ETS1: variants seen among roughly 807,000 people sequenced by gnomAD.
ETS1 encodes protein C-ets-1.
ETS1 carries 15 observed loss-of-function variants against 58.6 expected under a neutral mutation model. The ratio of observed to expected loss-of-function variants is 0.26; its 90% CI spans 0.17 to 0.39. The LOEUF is 0.39. Among genes scored for constraint, ETS1 ranks in the 10% least tolerant of loss-of-function variants. The pLI, the probability that ETS1 is intolerant of heterozygous loss-of-function variation, is 1.00. For synonymous variants in ETS1, 214 were observed against 218.2 expected, an observed-to-expected ratio of 0.98 and a Z score of 0.17; for missense variants, 417 against 610.5, an observed-to-expected ratio of 0.68 and a Z score of 3.34.
intron 3 of ETS1, among the ~76,000 whole-genome samples, chr11:128,506,211 G>A (rs1471520306): frequency 2.0e-5 from 3 of 152,138 alleles, no homozygotes; most frequent in African/African-American, 7.2e-5. Context: ...TGATGATGAT[G>A]GCACAACTCT....
At chr11:128,504,806 C>T (rs547830868) in intron 3 of ETS1, among the ~76,000 whole-genome samples, 1 of 152,302 alleles carries the variant, frequency 6.6e-6, no homozygotes, top group East Asian at 1.9e-4. Flanking sequence ...TCTGGATAAA[C>T]ACTACTCCTC....
intron 3 of ETS1, among the ~76,000 whole-genome samples, chr11:128,550,821 C>G (rs765180583): frequency 6.6e-6 from 1 of 152,122 alleles, no homozygotes; most frequent in Non-Finnish European, 1.5e-5. Context: ...TAGTCTTGTC[C>G]TAGAAAATAG....
intron 3 of ETS1, among the ~76,000 whole-genome samples, chr11:128,502,031 G>A (rs1863104346): frequency 6.6e-6 from 1 of 152,204 alleles, no homozygotes; most frequent in African/African-American, 2.4e-5. Flanking sequence ...GAGAGAAAGA[G>A]AGCTGCAGCC....
chr11:128,557,660 T>A (rs60459683), intron 2 of ETS1, among the ~76,000 whole-genome samples: 1,540 of 152,154 alleles, frequency 0.01, 31 homozygotes, highest in African/African-American at 0.035. Context: ...CATCCTCAAC[T>A]TTCTTTTTTT....
intron 3 of ETS1, among the ~76,000 whole-genome samples, chr11:128,529,561 A>C (rs542526755): frequency 1.3e-5 from 2 of 152,302 alleles, no homozygotes; most frequent in Admixed American, 1.3e-4. Flanking sequence ...AAGCCTAAAA[A>C]CCAAGGAAAT....
intron 8 of ETS1, among the ~76,000 whole-genome samples, chr11:128,475,419 A>C (rs934304567): frequency 6.6e-6 from 1 of 152,200 alleles, no homozygotes; most frequent in African/African-American, 2.4e-5. Context: ...CCAGAACTCT[A>C]AGGTTCTGGA....
intron 3 of ETS1, among the ~76,000 whole-genome samples, chr11:128,494,542 T>A (rs1862887741): frequency 6.6e-6 from 1 of 152,222 alleles, no homozygotes; most frequent in Non-Finnish European, 1.5e-5. Context: ...AACCACCTCA[T>A]AGATGTTTCA....
In ETS1 at chr11:128,585,193, G is replaced by GAAAGAAA. The variant is rs1565422016; in HGVS notation, c.-15+2294_-15+2295insTTTCTTT. 1.8e-3 allele frequency among the ~76,000 whole-genome samples: 28 copies of GAAAGAAA among 15,688 alleles called. 1 individual carries two copies. Among genetic ancestry groups the GAAAGAAA allele is most frequent in the African/African-American group, 4.6e-3 (10 of 2,192 alleles). 10.3% of individuals were successfully genotyped at this position (15,688 alleles called of 152,430 possible). ...GAGAAAGAAAGAAAGAAAGAAGGAA[G>GAAAGAAA]GAAAGAAAGAAAGAAAGAAAGAAAG... On this transcript the variant is annotated intron_variant, in intron 1 of 9. Coordinates refer to ENST00000392668, the MANE Select transcript of ETS1 (RefSeq NM_001143820.2).
At chr11:128,533,537 A>G (rs1565400243) in intron 3 of ETS1, among the ~76,000 whole-genome samples, 1 of 152,136 alleles carries the variant, frequency 6.6e-6, no homozygotes, top group Non-Finnish European at 1.5e-5. Flanking sequence ...CTCTCTGACA[A>G]TCCTGGACTT....
At chr11:128,576,903 G>A (rs1309732779) in intron 1 of ETS1, among the ~76,000 whole-genome samples, 1 of 152,152 alleles carries the variant, frequency 6.6e-6, no homozygotes, top group Non-Finnish European at 1.5e-5. Flanking sequence ...TTGCAGCCTG[G>A]AATCCTTCCT....
chr11:128,553,597 G>A (rs961338413), intron 3 of ETS1, among the ~76,000 whole-genome samples: 27 of 151,962 alleles, frequency 1.8e-4, no homozygotes, highest in African/African-American at 4.6e-4. Context: ...AGACCTTGGC[G>A]CTTTAGTATT....
At chr11:128,568,929 A>T (rs944844055) in intron 2 of ETS1, among the ~76,000 whole-genome samples, 5 of 152,246 alleles carry the variant, frequency 3.3e-5, no homozygotes, top group Non-Finnish European at 7.3e-5. Flanking sequence ...ACACAGTCTT[A>T]CTTTCTTTTG....
rs571832164 is a variant in ETS1 at position 128,544,237 on chromosome 11, AAAAAT to A, written c.214+12049_214+12053del. ...AATTATATTAAAAGCTCTTTGAGATAAAAATAGGCATAGAGCAAACTGTTTCTTCA... is the reference window on the plus strand; with the variant it reads ...AATTATATTAAAAGCTCTTTGAGATAAGGCATAGAGCAAACTGTTTCTTCA... On this transcript the variant is annotated intron_variant, in intron 3 of 9. Transcript: ENST00000392668. Among the ~76,000 whole-genome samples the A allele has an allele frequency of 2.8e-4, 43 of 151,398 alleles. 2 individuals are homozygous for A. In the South Asian group the frequency reaches 8.7e-3, roughly 31 times the overall value.
intron 3 of ETS1, among the ~76,000 whole-genome samples, chr11:128,506,580 A>C (rs1863240398): frequency 6.6e-6 from 1 of 152,132 alleles, no homozygotes; most frequent in South Asian, 2.1e-4. Context: ...TCCTGGGTGT[A>C]GGGCGTGAGG....
chr11:128,480,758 T>C (rs7108562), intron 7 of ETS1, among the ~76,000 whole-genome samples: 57,357 of 151,860 alleles, frequency 0.38, 11,176 homozygotes, highest in East Asian at 0.55. Flanking sequence ...TCCTCAAGAG[T>C]TCTAAAGCCA....
chr11:128,514,628 C>T (rs1863475818), intron 3 of ETS1, among the ~76,000 whole-genome samples: 1 of 152,210 alleles, frequency 6.6e-6, no homozygotes, highest in Admixed American at 6.5e-5. Context: ...CATTGATCCA[C>T]ACATATTTTC....
At chr11:128,521,409 C>T (rs1042665837) in intron 3 of ETS1, among the ~76,000 whole-genome samples, 5 of 152,140 alleles carry the variant, frequency 3.3e-5, no homozygotes, top group African/African-American at 1.2e-4. Flanking sequence ...AAAAGAGGGG[C>T]AAGGCATGTG....
chr11:128,565,755 G>T (rs962070257), intron 2 of ETS1, among the ~76,000 whole-genome samples: 2 of 152,158 alleles, frequency 1.3e-5, no homozygotes, highest in Admixed American at 6.5e-5. Context: ...TCCCACTTTG[G>T]TTTTAAATTT....
Position 128,467,803 on chromosome 11 carries a change from A to G in ETS1, c.1124-4176T>C, listed in dbSNP as rs571553854. On this transcript the variant is annotated intron_variant, in intron 8 of 9. Coordinates refer to ENST00000392668, the MANE Select transcript of ETS1 (RefSeq NM_001143820.2). ...GCATCACTGGGAAAGTATGCTTCTC[A>G]AGTCGAAGCTCTGAGCCACAACAAC... Among the ~76,000 whole-genome samples the G allele has an allele frequency of 2.0e-5, 3 of 152,174 alleles. No individual in the cohort carries two copies. The South Asian group carries it at 6.2e-4, about 32-fold the overall frequency.
Sources: allele counts gnomAD v4.1 joint callset (sites outside exome capture counted in the v4.1 genomes callset), GRCh38; gene constraint gnomAD v4.1.1; transcripts MANE v1.5; gene names NCBI Gene and HGNC (gene_info 2026-07-23, HGNC 2026-07-21).